MSN: variants seen among roughly 807,000 people sequenced by gnomAD.
MSN encodes moesin, also known as epididymis luminal protein 70.
Under a neutral mutation model 48.0 loss-of-function variants are expected in MSN, and 2 were observed. The observed-to-expected ratio is 0.04, with a 90% CI of 0.02 to 0.13. The LOEUF is 0.13. MSN is among the 10% of genes least tolerant of loss of function. The probability of loss-of-function intolerance (pLI) is 1.00; values close to 1 mark genes in which losing one functional copy is unlikely to be tolerated. For synonymous variants in MSN, 146 were observed against 166.9 expected (o/e 0.87, Z 0.97); for missense variants, 267 against 470.1 (o/e 0.57, Z 3.99).
chrX:65,625,956 T>C lies in MSN; in HGVS notation c.-22+37344T>C, dbSNP rs1446868689. 6.1e-5 allele frequency: 6 copies of C among 98,836 alleles called. No individual in the cohort carries two copies. In the East Asian group the frequency reaches 1.8e-3, roughly 30 times the overall value. 8.1% of individuals were successfully genotyped at this position (98,836 alleles called of 1,213,427 possible). A position where few individuals can be genotyped will look rare whatever the true frequency, so the allele number is the denominator to read the frequency against. The stretch of plus-strand genomic sequence containing the variant: ...TTTGAACATATTTAATACAGCTTTT[T>C]TTTTTTTTTTTTTTTTGAGATTTAG... On this transcript the variant is annotated intron_variant, in intron 1 of 3. Coordinates refer to the MSN transcript ENST00000609672.
At chrX:65,600,125 G>A (rs1184250683) in intron 1 of MSN, among the ~76,000 whole-genome samples, 2 of 111,076 alleles carry the variant, frequency 1.8e-5, no homozygotes, top group African/African-American at 6.6e-5. Context: ...TTGGACCATT[G>A]TTGGGGGACT....
intron 1 of MSN, among the ~76,000 whole-genome samples, chrX:65,695,268 A>G (rs1336170301): frequency 3.6e-5 from 4 of 110,747 alleles, no homozygotes; most frequent in African/African-American, 1.3e-4. Flanking sequence ...TGGGAGGCTG[A>G]GGTGGGTGGA....
At chrX:65,672,517 C>CAA (rs2070952426) in intron 1 of MSN, among the ~76,000 whole-genome samples, 1 of 111,836 alleles carries the variant, frequency 8.9e-6, no homozygotes, top group African/African-American at 3.3e-5. Context: ...AAAAACTTTT[C>CAA]AATTCCAGGT....
intron 1 of MSN, among the ~76,000 whole-genome samples, chrX:65,670,728 CA>C (rs1375688335): frequency 2.9e-5 from 3 of 102,269 alleles, no homozygotes; most frequent in African/African-American, 1.1e-4. Flanking sequence ...ATCTCAAAAA[CA>C]AAAAAAGCAA....
intron 1 of MSN, among the ~76,000 whole-genome samples, chrX:65,681,953 T>C (rs999315094): frequency 1.8e-5 from 2 of 111,336 alleles, no homozygotes; most frequent in Non-Finnish European, 3.8e-5. Context: ...TGCAGGGAAG[T>C]ACCATCTCCT....
At chrX:65,722,906 C>T (rs1459061529) in intron 2 of MSN, among the ~76,000 whole-genome samples, 3 of 111,328 alleles carry the variant, frequency 2.7e-5, no homozygotes, top group Non-Finnish European at 5.7e-5. Flanking sequence ...ACCTGATCTC[C>T]GCTCCCCTCT....
At chrX:65,623,500 A>T (rs1602729330) in intron 1 of MSN, among the ~76,000 whole-genome samples, 1 of 109,002 alleles carries the variant, frequency 9.2e-6, no homozygotes, top group East Asian at 2.8e-4. Context: ...AATTGGCTTT[A>T]ATTCTTCTTT....
chrX:65,666,481 G>T (rs1444365097), upstream of MSN, among the ~76,000 whole-genome samples: 1 of 109,680 alleles, frequency 9.1e-6, no homozygotes, highest in Non-Finnish European at 1.9e-5. Context: ...CACGTGCCCG[G>T]CTAATTTTTG....
chrX:65,670,545 A>T (rs1419234522), intron 1 of MSN, among the ~76,000 whole-genome samples: 1 of 109,418 alleles, frequency 9.1e-6, no homozygotes, highest in Non-Finnish European at 1.9e-5. Context: ...CAACATGGTG[A>T]AACCCTGTCT....
intron 4 of MSN, among the ~76,000 whole-genome samples, 198 bp downstream of exon 4, chrX:65,729,910 C>G (rs1467757026): frequency 8.9e-6 from 1 of 112,605 alleles, no homozygotes; most frequent in East Asian, 2.8e-4. Flanking sequence ...AAATAAAAAG[C>G]CTTTTTGTTT....
At chrX:65,659,347 G>A (rs1280815853) in intron 1 of MSN, among the ~76,000 whole-genome samples, 1 of 110,138 alleles carries the variant, frequency 9.1e-6, no homozygotes, top group Non-Finnish European at 1.9e-5. Flanking sequence ...TAGAGATAGG[G>A]TTCACCATTT....
intron 2 of MSN, among the ~76,000 whole-genome samples, chrX:65,723,606 C>T (rs1350139561): frequency 8.9e-6 from 1 of 112,021 alleles, no homozygotes; most frequent in Non-Finnish European, 1.9e-5. Context: ...GAACTGGAAG[C>T]TAGATGCTAA....
chrX:65,675,448 G>T (rs1353381710), intron 1 of MSN, among the ~76,000 whole-genome samples: 1 of 110,434 alleles, frequency 9.1e-6, no homozygotes, highest in East Asian at 2.8e-4. Flanking sequence ...CTAGACCAAT[G>T]CTCTCTTGAA....
intron 1 of MSN, among the ~76,000 whole-genome samples, chrX:65,706,109 C>T (rs1015665546): frequency 1.5e-4 from 17 of 111,347 alleles, no homozygotes; most frequent in African/African-American, 5.6e-4. Context: ...AGCAGAATGG[C>T]CCCTAGGCTA....
chrX:65,722,269 G>T (rs754561826), intron 2 of MSN, among the ~76,000 whole-genome samples: 60 of 111,409 alleles, frequency 5.4e-4, no homozygotes, highest in Non-Finnish European at 1.0e-3. Context: ...TGATGCAGAT[G>T]CTGCCAAATC....
At chrX:65,739,295 C>A in intron 12 of MSN, 101 bp downstream of exon 12, 2 of 857,139 alleles carry the variant, frequency 2.3e-6, no homozygotes, top group Non-Finnish European at 3.3e-6. Context: ...AGATCCTGTC[C>A]CAGTGTTGTA....
At chrX:65,688,413 C>G (rs143444170) in intron 1 of MSN, among the ~76,000 whole-genome samples, 27 of 111,227 alleles carry the variant, frequency 2.4e-4, no homozygotes, top group African/African-American at 8.5e-4. Context: ...TAAGGGAAAA[C>G]TGGGGCTCAT....
chrX:65,590,087 C>A (rs1188084413), intron 1 of MSN, among the ~76,000 whole-genome samples: 1 of 110,851 alleles, frequency 9.0e-6, no homozygotes, highest in Non-Finnish European at 1.9e-5. Context: ...GAACTCCTGA[C>A]TACAGGTGTG....
intron 1 of MSN, among the ~76,000 whole-genome samples, chrX:65,710,246 T>C (rs1473585438): frequency 8.9e-6 from 1 of 112,589 alleles, no homozygotes; most frequent in Non-Finnish European, 1.9e-5. Flanking sequence ...TCTCTGTTCT[T>C]CTATTATGGC....
Sources: allele counts gnomAD v4.1 joint callset (sites outside exome capture counted in the v4.1 genomes callset), GRCh38; gene constraint gnomAD v4.1.1; transcripts MANE v1.5; gene names NCBI Gene and HGNC (gene_info 2026-07-23, HGNC 2026-07-21).